PAK5: variants seen among roughly 807,000 people sequenced by gnomAD.
The protein encoded by PAK5 is serine/threonine-protein kinase PAK 5.
In PAK5, 16 loss-of-function variants were observed where a neutral mutation model predicts 65.9. The ratio of observed to expected loss-of-function variants is 0.24; its 90% CI spans 0.16 to 0.37. The LOEUF (loss-of-function observed/expected upper bound fraction) is 0.37, where lower values mean the gene tolerates loss of function less well. PAK5 is among the 10% of genes least tolerant of loss of function. PAK5 has a pLI of 1.00. For synonymous variants in PAK5, 371 were observed against 354.9 expected (o/e 1.05, Z -0.51); for missense variants, 785 against 903.9 (o/e 0.87, Z 1.69).
chr20:9,552,409 T>C (rs1319074722), intron 7 of PAK5, among the ~76,000 whole-genome samples: 1 of 152,234 alleles, frequency 6.6e-6, no homozygotes, highest in Non-Finnish European at 1.5e-5. Flanking sequence ...AAATGCCTTC[T>C]GACTTAGCAT....
intron 3 of PAK5, among the ~76,000 whole-genome samples, chr20:9,608,668 A>G (rs1448811774): frequency 1.3e-5 from 2 of 152,254 alleles, no homozygotes; most frequent in Admixed American, 6.5e-5. Flanking sequence ...ATGTGTGTGC[A>G]ATGTGCACAT....
chr20:9,815,129 C>T (rs761909105), intron 1 of PAK5, among the ~76,000 whole-genome samples: 2 of 152,136 alleles, frequency 1.3e-5, no homozygotes, highest in African/African-American at 4.8e-5. Context: ...TGAGAATTCA[C>T]TCTCTCCTTC....
chr20:9,776,007 G>T (rs17502794), intron 1 of PAK5, among the ~76,000 whole-genome samples: 1 of 152,158 alleles, frequency 6.6e-6, no homozygotes, highest in African/African-American at 2.4e-5. Flanking sequence ...ATGTAGTAAA[G>T]AAATAGTGAT....
At chr20:9,573,067 A>G (rs2045819509) in intron 4 of PAK5, among the ~76,000 whole-genome samples, 1 of 152,034 alleles carries the variant, frequency 6.6e-6, no homozygotes, top group Non-Finnish European at 1.5e-5. Context: ...ATATTGACAA[A>G]ATGAACAAGC....
chr20:9,763,722 T>C (rs1016829925), intron 1 of PAK5, among the ~76,000 whole-genome samples: 5 of 152,060 alleles, frequency 3.3e-5, no homozygotes, highest in Non-Finnish European at 5.9e-5. Flanking sequence ...TTTTGAAACA[T>C]TTCAAACTGA....
chr20:9,612,898 C>T (rs758955123), intron 3 of PAK5, among the ~76,000 whole-genome samples: 4 of 150,940 alleles, frequency 2.7e-5, no homozygotes, highest in Non-Finnish European at 5.9e-5. Context: ...ACTGTATCTC[C>T]CCCCCCATTA....
intron 2 of PAK5, among the ~76,000 whole-genome samples, chr20:9,646,993 C>T (rs1039605072): frequency 8.5e-5 from 13 of 152,170 alleles, no homozygotes; most frequent in African/African-American, 3.1e-4. Context: ...AATCAGGACA[C>T]AAATAAATGT....
chr20:9,833,600 C>T (rs1443055496), intron 1 of PAK5, among the ~76,000 whole-genome samples: 1 of 151,990 alleles, frequency 6.6e-6, no homozygotes, highest in Non-Finnish European at 1.5e-5. Context: ...CCACCACTCA[C>T]CTCCCCCACC....
intron 7 of PAK5, among the ~76,000 whole-genome samples, chr20:9,554,549 A>T (rs1161968085): frequency 6.6e-6 from 1 of 152,188 alleles, no homozygotes. Context: ...AAGAGACAAT[A>T]CTAAAATGAC....
At chr20:9,689,976 C>T (rs2047770113) in intron 2 of PAK5, among the ~76,000 whole-genome samples, 1 of 152,156 alleles carries the variant, frequency 6.6e-6, no homozygotes, top group Non-Finnish European at 1.5e-5. Flanking sequence ...ATCAGTTCTT[C>T]TTTGAGGATA....
Position 9,717,084 on chromosome 20 carries a change from C to CAA in PAK5, c.-161-5651_-161-5650dup, listed in dbSNP as rs58508007. Among the ~76,000 whole-genome samples, 432 of 122,508 alleles carry CAA rather than the reference C, an allele frequency of 3.5e-3. 1 individual carries two copies. The highest frequency in any genetic ancestry group is 0.011 in the African/African-American group (362 of 33,352). The allele number at this position is 122,508 out of a possible 152,430, so 80.4% of individuals were successfully genotyped here. On this transcript the variant is annotated intron_variant, in intron 1 of 9. Transcript: ENST00000353224. ...TGGGTGACGGAGCCAGAACTTATCTCAAAAAAAAAAAAAAGAAAGAAATCT... is the reference window on the plus strand; with the variant it reads ...TGGGTGACGGAGCCAGAACTTATCTCAAAAAAAAAAAAAAAAGAAAGAAATCT...
chr20:9,810,745 A>G (rs1189311673), intron 1 of PAK5, among the ~76,000 whole-genome samples: 2 of 152,208 alleles, frequency 1.3e-5, no homozygotes, highest in African/African-American at 2.4e-5. Context: ...CTGTTTCCCA[A>G]CCTGCATTAA....
intron 2 of PAK5, among the ~76,000 whole-genome samples, chr20:9,697,003 A>G (rs2047878235): frequency 6.6e-6 from 1 of 152,078 alleles, no homozygotes; most frequent in East Asian, 1.9e-4. Context: ...CATGTCTTAG[A>G]TTCTGGCTTA....
intron 2 of PAK5, among the ~76,000 whole-genome samples, chr20:9,660,659 A>C (rs867433365): frequency 1.3e-5 from 2 of 152,282 alleles, no homozygotes; most frequent in Middle Eastern, 3.4e-3. Context: ...TAAATTAAGA[A>C]GGTGATATTT....
At chr20:9,737,702 T>C (rs1403478002) in intron 1 of PAK5, among the ~76,000 whole-genome samples, 9 of 152,232 alleles carry the variant, frequency 5.9e-5, no homozygotes, top group African/African-American at 1.9e-4. Flanking sequence ...CATGAATATT[T>C]AGAGATGACA....
At chr20:9,643,916 A>T (rs1242246137) in intron 3 of PAK5, among the ~76,000 whole-genome samples, 3 of 152,242 alleles carry the variant, frequency 2.0e-5, no homozygotes, top group African/African-American at 7.2e-5. Flanking sequence ...TTATTCAAAA[A>T]TCACATCTAA....
rs566226218 is a variant in PAK5 at position 9,633,673 on chromosome 20, T to C, written c.204+10452A>G. 1.5e-3 allele frequency among the ~76,000 whole-genome samples: 228 copies of C among 152,110 alleles called. 2 individuals are homozygous for C. The highest frequency in any genetic ancestry group is 5.1e-3 in the African/African-American group (212 of 41,486). On this transcript the variant is annotated intron_variant, in intron 3 of 9. Coordinates refer to ENST00000353224, the MANE Select transcript of PAK5 (RefSeq NM_177990.4). ...TTCACATCAGCTTCTGCTCTGGGAG[T>C]AGAGTTGGGGTAAAACACTCAAGTG...
chr20:9,547,354 G>A (rs896256374), intron 7 of PAK5, among the ~76,000 whole-genome samples: 11 of 152,178 alleles, frequency 7.2e-5, no homozygotes, highest in African/African-American at 2.7e-4. Context: ...ATTTGTTATA[G>A]CAGTCCTAGG....
intron 1 of PAK5, among the ~76,000 whole-genome samples, chr20:9,714,363 G>A (rs1286853149): frequency 6.6e-6 from 1 of 151,942 alleles, no homozygotes; most frequent in African/African-American, 2.4e-5. Context: ...TTCATTATAT[G>A]CACCAGTTAT....
Sources: gnomAD v4.1 joint callset for allele counts (sites outside exome capture counted in the v4.1 genomes callset) on GRCh38, gnomAD v4.1.1 for gene constraint, MANE v1.5 for transcripts, NCBI Gene and HGNC (gene_info 2026-07-23, HGNC 2026-07-21) for gene names.